Variants in FBXL17 observed in about 807,000 individuals in gnomAD.
FBXL17 encodes F-box and leucine rich repeat protein 17, also known as F-box/LRR-repeat protein 17.
In FBXL17, 22 loss-of-function variants were observed where a neutral mutation model predicts 66.2. The observed-to-expected ratio is 0.33, with a 90% CI of 0.24 to 0.47. The LOEUF is 0.47. Ranked by LOEUF, FBXL17 falls within the 20% of genes least tolerant of loss-of-function variation. The pLI is 1.00. For missense variants in FBXL17, 878 were observed against 948.2 expected, an observed-to-expected ratio of 0.93 and a Z score of 0.97; for synonymous variants, 474 against 400.5, an observed-to-expected ratio of 1.18 and a Z score of -2.19.
intron 7 of FBXL17, among the ~76,000 whole-genome samples, chr5:107,924,980 A>C (rs1223398873): frequency 1.3e-5 from 2 of 152,254 alleles, no homozygotes; most frequent in Non-Finnish European, 2.9e-5. Context: ...AACCTCAAGG[A>C]CAAAGATTTT....
intron 7 of FBXL17, among the ~76,000 whole-genome samples, chr5:107,970,912 G>A (rs947771528): frequency 1.3e-5 from 2 of 152,170 alleles, no homozygotes; most frequent in Admixed American, 6.5e-5. Context: ...TTATGTGAGC[G>A]TCAGTTAAGT....
intron 4 of FBXL17, among the ~76,000 whole-genome samples, chr5:108,293,122 C>G (rs944116113): frequency 6.7e-6 from 1 of 149,098 alleles, no homozygotes; most frequent in Non-Finnish European, 1.5e-5. Flanking sequence ...CAAAAAAAAA[C>G]TTGTTGAATA....
chr5:108,192,915 G>A (rs1281038352), intron 5 of FBXL17, among the ~76,000 whole-genome samples: 1 of 152,200 alleles, frequency 6.6e-6, no homozygotes, highest in African/African-American at 2.4e-5. Flanking sequence ...TGAAGTGGAT[G>A]AATTAACGAA....
intron 3 of FBXL17, among the ~76,000 whole-genome samples, chr5:108,354,821 C>T (rs1747870891): frequency 1.3e-5 from 2 of 150,936 alleles, no homozygotes; most frequent in Non-Finnish European, 3.0e-5. Context: ...AAAATTATAT[C>T]TAACTTTTCC....
At chr5:107,941,661 G>A (rs185238079) in intron 7 of FBXL17, among the ~76,000 whole-genome samples, 48 of 152,220 alleles carry the variant, frequency 3.2e-4, no homozygotes, top group African/African-American at 7.0e-4. Flanking sequence ...GACTAAGGAC[G>A]GATATAATCC....
intron 6 of FBXL17, among the ~76,000 whole-genome samples, chr5:108,183,347 T>G (rs1263763496): frequency 6.6e-6 from 1 of 152,192 alleles, no homozygotes; most frequent in Non-Finnish European, 1.5e-5. Flanking sequence ...CCCAGTTTTC[T>G]ACTTTTAATT....
chr5:108,303,394 ACATACC>A (rs1214854498), intron 4 of FBXL17, among the ~76,000 whole-genome samples: 1 of 118,236 alleles, frequency 8.5e-6, no homozygotes, highest in Non-Finnish European at 2.0e-5. Context: ...ACACACACAC[ACATACC>A]CACACACAAG....
intron 7 of FBXL17, among the ~76,000 whole-genome samples, chr5:107,953,913 C>T (rs1474555232): frequency 6.6e-6 from 1 of 152,098 alleles, no homozygotes; most frequent in Non-Finnish European, 1.5e-5. Flanking sequence ...TGATTGAATC[C>T]ACCAATTATT....
chr5:108,211,873 T>G (rs1754387575), intron 5 of FBXL17, among the ~76,000 whole-genome samples: 1 of 152,240 alleles, frequency 6.6e-6, no homozygotes, highest in Admixed American at 6.5e-5. Context: ...CATGTTGGTC[T>G]GTCTTGCTAG....
chr5:108,132,755 A>ATAAAT (rs1561426194), intron 6 of FBXL17, among the ~76,000 whole-genome samples: 2 of 152,196 alleles, frequency 1.3e-5, no homozygotes, highest in Non-Finnish European at 2.9e-5. Flanking sequence ...TGATGGTCTT[A>ATAAAT]CCATACAAAG....
intron 6 of FBXL17, among the ~76,000 whole-genome samples, chr5:108,069,900 C>T (rs1175103906): frequency 6.6e-6 from 1 of 152,072 alleles, no homozygotes; most frequent in East Asian, 1.9e-4. Context: ...TATTTTGAAG[C>T]TAGACAGCAC....
At chr5:108,329,638 A>T (rs1215935680) in intron 4 of FBXL17, among the ~76,000 whole-genome samples, 1 of 152,194 alleles carries the variant, frequency 6.6e-6, no homozygotes, top group Non-Finnish European at 1.5e-5. Flanking sequence ...ATACCTTTAT[A>T]AAAAATTATC....
At chr5:108,373,228 T>A (rs191986830) in intron 1 of FBXL17, among the ~76,000 whole-genome samples, 2 of 133,088 alleles carry the variant, frequency 1.5e-5, no homozygotes, top group Admixed American at 9.3e-5. Flanking sequence ...TATATTAATA[T>A]AAATATAATA....
chr5:107,961,089 A>G (rs1339857695), intron 7 of FBXL17, among the ~76,000 whole-genome samples: 1 of 152,208 alleles, frequency 6.6e-6, no homozygotes, highest in African/African-American at 2.4e-5. Context: ...GTGGGGGTCC[A>G]GGTTGGTGAG....
At chr5:108,366,459 T>C (rs1748670536) in intron 2 of FBXL17, among the ~76,000 whole-genome samples, 1 of 152,038 alleles carries the variant, frequency 6.6e-6, no homozygotes, top group South Asian at 2.1e-4. Flanking sequence ...TTTATGCTTG[T>C]TGGAAACAGC....
At chr5:108,286,458 T>G (rs1757905272) in intron 4 of FBXL17, among the ~76,000 whole-genome samples, 2 of 151,920 alleles carry the variant, frequency 1.3e-5, no homozygotes, top group African/African-American at 4.8e-5. Context: ...GGACACAAAA[T>G]CAATGTACAA....
rs1371459825 is a variant in FBXL17 at position 108,023,758 on chromosome 5, G to A, written c.1746-2757C>T. ...AGAGCAATTCCCAGCTCACTGTATA[G>A]TATGTATGCAAAAAACAAAGTCATA... On this transcript the variant is annotated intron_variant, in intron 6 of 8. Transcript: ENST00000542267. Among the ~76,000 whole-genome samples, 5 of 152,068 alleles carry A rather than the reference G, an allele frequency of 3.3e-5. No individual in the cohort carries two copies. The East Asian group carries it at 5.8e-4, about 18-fold the overall frequency.
At chr5:108,106,807 T>G (rs565482071) in intron 6 of FBXL17, among the ~76,000 whole-genome samples, 2 of 152,264 alleles carry the variant, frequency 1.3e-5, no homozygotes, top group East Asian at 3.9e-4. Context: ...TGATGAAAAT[T>G]TACTGAAATT....
chr5:107,935,181 T>C (rs1225896330), intron 7 of FBXL17, among the ~76,000 whole-genome samples: 1 of 152,118 alleles, frequency 6.6e-6, no homozygotes, highest in African/African-American at 2.4e-5. Context: ...TATTAGATTC[T>C]GGTTGTTATG....
Sources: gnomAD v4.1 joint callset for allele counts (sites outside exome capture counted in the v4.1 genomes callset) on GRCh38, gnomAD v4.1.1 for gene constraint, MANE v1.5 for transcripts, NCBI Gene and HGNC (gene_info 2026-07-23, HGNC 2026-07-21) for gene names.